Variants in PIWIL3 observed in about 807,000 individuals in gnomAD.
PIWIL3 encodes piwi like RNA-mediated gene silencing 3.
Under a neutral mutation model 109.7 loss-of-function variants are expected in PIWIL3, and 101 were observed. That is an observed-to-expected ratio of 0.92 (90% confidence interval 0.78 to 1.09). The LOEUF (loss-of-function observed/expected upper bound fraction) is 1.09, where lower values mean the gene tolerates loss of function less well. Ranked by LOEUF, PIWIL3 falls within the 50% of genes least tolerant of loss-of-function variation. The probability of loss-of-function intolerance (pLI) is 0.00; values close to 1 mark genes in which losing one functional copy is unlikely to be tolerated. For synonymous variants in PIWIL3, 373 were observed against 376.4 expected, an observed-to-expected ratio of 0.99 and a Z score of 0.10; for missense variants, 1,031 against 1,072.6, an observed-to-expected ratio of 0.96 and a Z score of 0.54.
At chr22:24,726,737 A>T (rs185813208) in intron 16 of PIWIL3, among the ~76,000 whole-genome samples, 1 of 152,374 alleles carries the variant, frequency 6.6e-6, no homozygotes, top group East Asian at 1.9e-4. Context: ...TCAAACAAAA[A>T]GTAGAGCAAA....
intron 2 of PIWIL3, among the ~76,000 whole-genome samples, chr22:24,761,260 T>C (rs1375883011): frequency 6.6e-6 from 1 of 151,772 alleles, no homozygotes; most frequent in Non-Finnish European, 1.5e-5. Flanking sequence ...AGAAAAAAGA[T>C]GAGGCTCAAG....
At chr22:24,753,670 A>G (rs1924840268) in intron 8 of PIWIL3, among the ~76,000 whole-genome samples, 1 of 152,242 alleles carries the variant, frequency 6.6e-6, no homozygotes, top group African/African-American at 2.4e-5. Context: ...AACTTCCTTC[A>G]AATGGGAAAT....
chr22:24,759,818 T>C (rs373095390), intron 3 of PIWIL3, 51 bp downstream of exon 3: 2 of 1,612,326 alleles, frequency 1.2e-6, no homozygotes, highest in African/African-American at 2.7e-5. Flanking sequence ...GTGGTAGCCC[T>C]TCACACATGA....
Position 24,719,840 on chromosome 22 carries a change from G to A in PIWIL3, c.2413C>T (p.His805Tyr). 6.2e-7 allele frequency: 1 copy of A among 1,611,060 alleles called. No homozygotes were observed. The highest frequency in any genetic ancestry group is 8.5e-7 in the Non-Finnish European group (1 of 1,177,224). ...SVQDGTVTPT[H>Y]YNVIYDTIGL... Reference sequence around the variant, plus strand: ...ATCGTGTCATAGATGACGTTATAATGAGTGGGGGTAACAGTCCCATCTTGC... The same window carrying A: ...ATCGTGTCATAGATGACGTTATAATAAGTGGGGGTAACAGTCCCATCTTGC... The change falls in exon 20 of 21, where the codon CAT (histidine) becomes TAT (tyrosine). Residue 805 changes from histidine to tyrosine, a missense_variant. Coordinates refer to ENST00000616349, the MANE Select transcript of PIWIL3 (RefSeq NM_001255975.1).
chr22:24,755,595 G>A (rs570995067), intron 6 of PIWIL3, among the ~76,000 whole-genome samples, 189 bp downstream of exon 6: 12 of 152,250 alleles, frequency 7.9e-5, no homozygotes, highest in Admixed American at 6.5e-4. Flanking sequence ...AGAACATTGA[G>A]GATAAGCCAC....
Position 24,754,780 on chromosome 22 carries a change from A to G in PIWIL3, c.773+4T>C, listed in dbSNP as rs755421389. On this transcript the variant is annotated splice_donor_region_variant and intron_variant, in intron 7 of 20. Transcript: ENST00000616349. ...GAGTGTGAAATTTTCTACTTTATAC[A>G]AACCCATGACGGTATAACTGAATGG... 2 of 1,594,594 alleles carry G rather than the reference A, an allele frequency of 1.3e-6. No homozygotes were observed. The highest frequency in any genetic ancestry group is 1.7e-6 in the Non-Finnish European group (2 of 1,162,506).
chr22:24,762,154 A>C (rs1244187621), intron 2 of PIWIL3, among the ~76,000 whole-genome samples: 1 of 152,172 alleles, frequency 6.6e-6, no homozygotes, highest in African/African-American at 2.4e-5. Flanking sequence ...CTTTGCATCC[A>C]CTTTGGGCTG....
chr22:24,756,839 G>GGATTA, intron 4 of PIWIL3, 134 bp from the exon 5 acceptor site: 1 of 735,734 alleles, frequency 1.4e-6, no homozygotes, highest in Non-Finnish European at 2.2e-6. Flanking sequence ...CAGCACTCTG[G>GGATTA]GAGGCCAAGG....
intron 11 of PIWIL3, 73 bp from the exon 12 acceptor site, chr22:24,749,094 T>A: frequency 8.5e-7 from 1 of 1,171,636 alleles, no homozygotes; most frequent in Non-Finnish European, 1.2e-6. Context: ...GCAAGGCAAT[T>A]TCCTTCTATT....
intron 1 of PIWIL3, among the ~76,000 whole-genome samples, chr22:24,765,859 A>G (rs1328034181): frequency 6.6e-6 from 1 of 151,842 alleles, no homozygotes; most frequent in African/African-American, 2.4e-5. Context: ...AAAATGGGGA[A>G]AAAAAGCAGA....
intron 8 of PIWIL3, among the ~76,000 whole-genome samples, chr22:24,753,321 A>G (rs1022577856): frequency 2.6e-5 from 4 of 152,198 alleles, no homozygotes; most frequent in African/African-American, 9.7e-5. Context: ...TTAAACTGGA[A>G]TTGTGTGAAT....
At chr22:24,762,549 T>C (rs768925476) in intron 1 of PIWIL3, 28 bp from the exon 2 acceptor site, 79 of 1,543,362 alleles carry the variant, frequency 5.1e-5, no homozygotes, top group Non-Finnish European at 6.4e-5. Flanking sequence ...ATTAGACATC[T>C]CTGTGGAGTT....
chr22:24,768,139 C>T (rs1191101671), intron 1 of PIWIL3, among the ~76,000 whole-genome samples: 5 of 152,192 alleles, frequency 3.3e-5, no homozygotes, highest in East Asian at 1.9e-4. Flanking sequence ...TTATTGGGGA[C>T]TGCACAGAGC....
At chr22:24,761,256 A>C (rs1198045621) in intron 2 of PIWIL3, among the ~76,000 whole-genome samples, 1 of 152,092 alleles carries the variant, frequency 6.6e-6, no homozygotes, top group African/African-American at 2.4e-5. Flanking sequence ...ATGGAGAAAA[A>C]AGATGAGGCT....
intron 13 of PIWIL3, among the ~76,000 whole-genome samples, chr22:24,735,034 A>G (rs1426179973): frequency 1.3e-5 from 2 of 151,998 alleles, no homozygotes; most frequent in Admixed American, 6.6e-5. Context: ...AACCATGGAG[A>G]CGGTAAAAAA....
At chr22:24,758,385 C>A (rs981288642) in intron 3 of PIWIL3, among the ~76,000 whole-genome samples, 1 of 152,158 alleles carries the variant, frequency 6.6e-6, no homozygotes, top group Non-Finnish European at 1.5e-5. Flanking sequence ...TCATAAAATG[C>A]CAAATAAGCC....
In PIWIL3 at chr22:24,725,927, A is replaced by T. The variant is rs116237669; in HGVS notation, c.2010-412T>A. ...TGCTTTGGAATGGTGGCAGCTGTTG[A>T]CACAACTTCAACATATCTAGTAAAA... On this transcript the variant is annotated intron_variant, in intron 16 of 20. Transcript: ENST00000616349. Among the ~76,000 whole-genome samples the T allele has an allele frequency of 4.5e-3, 682 of 152,218 alleles. 5 individuals carry two copies. The highest frequency in any genetic ancestry group is 0.015 in the African/African-American group (623 of 41,552).
In PIWIL3 at chr22:24,750,087, T is replaced by C. The variant is rs139955938; in HGVS notation, c.1090-268A>G. On this transcript the variant is annotated intron_variant, in intron 9 of 20. Transcript: ENST00000616349. ...TGGAGTCGTCAAGCTACTCTAACATTGTATATGAGAATGGGTGAGACAGTA... is the reference window on the plus strand; with the variant it reads ...TGGAGTCGTCAAGCTACTCTAACATCGTATATGAGAATGGGTGAGACAGTA... 3.2e-3 allele frequency among the ~76,000 whole-genome samples: 491 copies of C among 152,270 alleles called. 3 individuals carry two copies. The highest frequency in any genetic ancestry group is 5.0e-3 in the Non-Finnish European group (338 of 68,024).
intron 1 of PIWIL3, among the ~76,000 whole-genome samples, chr22:24,764,625 C>CGTGTGTCTGT (rs1925675275): frequency 7.4e-6 from 1 of 134,622 alleles, no homozygotes; most frequent in East Asian, 2.3e-4. Flanking sequence ...TTGACCTTGC[C>CGTGTGTCTGT]GTGTGTGTGT....
Sources: allele counts gnomAD v4.1 joint callset (sites outside exome capture counted in the v4.1 genomes callset), GRCh38; gene constraint gnomAD v4.1.1; transcripts MANE v1.5; gene names NCBI Gene and HGNC (gene_info 2026-07-23, HGNC 2026-07-21).